Variants in BBS7 observed in about 807,000 individuals in gnomAD.
BBS7 encodes the protein Bardet-Biedl syndrome 7.
BBS7 carries 50 observed loss-of-function variants against 90.3 expected under a neutral mutation model. The ratio of observed to expected loss-of-function variants is 0.55; its 90% CI spans 0.44 to 0.70. BBS7 has a LOEUF of 0.70. Among genes scored for constraint, BBS7 ranks in the 30% least tolerant of loss-of-function variants. BBS7 has a pLI of 0.00. For missense variants in BBS7, 729 were observed against 838.9 expected, an observed-to-expected ratio of 0.87 and a Z score of 1.62; for synonymous variants, 235 against 287.4, an observed-to-expected ratio of 0.82 and a Z score of 1.85.
intron 15 of BBS7, among the ~76,000 whole-genome samples, chr4:121,830,990 G>A (rs370963385): frequency 8.6e-5 from 13 of 151,638 alleles, no homozygotes; most frequent in East Asian, 5.9e-4. Flanking sequence ...GGCAGATCAC[G>A]AGGTCAAGAG....
At chr4:121,834,551 T>TA (rs1725353168) in intron 14 of BBS7, among the ~76,000 whole-genome samples, 1 of 152,236 alleles carries the variant, frequency 6.6e-6, no homozygotes, top group Non-Finnish European at 1.5e-5. Flanking sequence ...TTCTCATTTG[T>TA]AAAATGGAGA....
intron 10 of BBS7, 72 bp downstream of exon 10, chr4:121,847,332 A>C: frequency 1.1e-6 from 1 of 949,574 alleles, no homozygotes; most frequent in South Asian, 1.3e-5. Flanking sequence ...TACTGCATCT[A>C]TAAGTAATAA....
chr4:121,867,704 T>C (rs1407050578), intron 2 of BBS7, among the ~76,000 whole-genome samples: 2 of 152,202 alleles, frequency 1.3e-5, no homozygotes, highest in Admixed American at 1.3e-4. Flanking sequence ...GCTTTATATT[T>C]CTTTTTTCAT....
chr4:121,841,025 A>G (rs1201382409), intron 12 of BBS7, among the ~76,000 whole-genome samples: 1 of 152,054 alleles, frequency 6.6e-6, no homozygotes, highest in Admixed American at 6.5e-5. Context: ...TTTTTAGTAA[A>G]GAGGGTGTTT....
At chr4:121,868,204 T>C (rs534890771) in intron 1 of BBS7, among the ~76,000 whole-genome samples, 158 bp from the exon 2 acceptor site, 6 of 152,290 alleles carry the variant, frequency 3.9e-5, no homozygotes, top group Admixed American at 3.3e-4. Context: ...TTAGTCAGAA[T>C]ACATATAGGA....
chr4:121,837,981 G>A (rs1302267142), intron 13 of BBS7, among the ~76,000 whole-genome samples: 2 of 151,890 alleles, frequency 1.3e-5, no homozygotes, highest in Non-Finnish European at 2.9e-5. Flanking sequence ...GTACATGCCT[G>A]TAATCCCAGC....
chr4:121,839,581 GA>G (rs1467495539), intron 13 of BBS7, 49 bp downstream of exon 13: 3 of 1,440,938 alleles, frequency 2.1e-6, no homozygotes, highest in Non-Finnish European at 2.9e-6. Flanking sequence ...ATACCAGCAG[GA>G]AAAAGGAAAT....
intron 6 of BBS7, 190 bp downstream of exon 6, chr4:121,855,299 C>A: frequency 8.9e-6 from 5 of 561,484 alleles, no homozygotes; most frequent in South Asian, 5.3e-5. Context: ...CAGAGTGAGA[C>A]CCTGCCCCCC....
chr4:121,827,945 A>C, intron 18 of BBS7: 1 of 1,368,506 alleles, frequency 7.3e-7, no homozygotes, highest in Non-Finnish European at 9.4e-7. Flanking sequence ...TATCAAGTAA[A>C]AGAATTAAAT....
intron 8 of BBS7, among the ~76,000 whole-genome samples, chr4:121,849,639 C>T (rs1179666197): frequency 6.6e-6 from 1 of 152,074 alleles, no homozygotes; most frequent in African/African-American, 2.4e-5. Context: ...CCGTCCTGTC[C>T]AACATGGTGA....
intron 8 of BBS7, among the ~76,000 whole-genome samples, chr4:121,850,720 C>T (rs189221286): frequency 6.6e-6 from 1 of 152,218 alleles, no homozygotes; most frequent in Non-Finnish European, 1.5e-5. Flanking sequence ...TAGTTCTTAG[C>T]AGGCAAGGCT....
At position 121,845,472 on chromosome 4, in the gene BBS7, C is replaced by A; in HGVS notation, c.1230+32G>T. 4 of 1,565,668 alleles carry A rather than the reference C, an allele frequency of 2.6e-6. No individual in the cohort carries two copies. In the South Asian group the frequency reaches 4.5e-5, roughly 18 times the overall value. ...GACTGGTTTGCAAAATAGATCCAGT[C>A]ATAAAACTAAGAAATTAGACATTTT... On this transcript the variant is annotated intron_variant, in intron 11 of 18. Transcript: ENST00000264499.
At position 121,839,681 on chromosome 4, in the gene BBS7, G is replaced by A; in HGVS notation, c.1321C>T (p.Leu441Phe). 1 of 1,613,790 alleles carries A rather than the reference G, an allele frequency of 6.2e-7. No homozygotes were observed. Among genetic ancestry groups the A allele is most frequent in the Non-Finnish European group, 8.5e-7 (1 of 1,179,774 alleles). The change falls in exon 13 of 19, where the codon CTT (leucine) becomes TTT (phenylalanine). Residue 441 changes from leucine (L) to phenylalanine (F), a missense_variant. Transcript: ENST00000264499. Reference protein sequence around the residue: ...SCDSESNDNFLLATYRCQADT... With the variant: ...SCDSESNDNFFLATYRCQADT... ...GCCTGGCACCGATAAGTGGCAAGAA[G>A]GAAGTTGTCGTTTGACTGGGAAGAA...
intron 4 of BBS7, 107 bp from the exon 5 acceptor site, chr4:121,859,285 C>T (rs1052041114): frequency 3.4e-5 from 33 of 979,708 alleles, no homozygotes; most frequent in Non-Finnish European, 5.0e-5. Context: ...TTATTATAGA[C>T]TTAGAGAACA....
At chr4:121,843,301 T>C (rs141701462) in intron 12 of BBS7, among the ~76,000 whole-genome samples, 74 of 152,274 alleles carry the variant, frequency 4.9e-4, no homozygotes, top group African/African-American at 1.6e-3. Context: ...AAGACGTCTC[T>C]GGTGGTAGTG....
At chr4:121,857,550 T>C (rs933753141) in intron 5 of BBS7, among the ~76,000 whole-genome samples, 2 of 152,328 alleles carry the variant, frequency 1.3e-5, no homozygotes, top group South Asian at 4.1e-4. Context: ...TTCACAGAGA[T>C]AGACGGGGAG....
At chr4:121,866,506 C>A (rs1727282483) in intron 2 of BBS7, among the ~76,000 whole-genome samples, 1 of 152,072 alleles carries the variant, frequency 6.6e-6, no homozygotes, top group Non-Finnish European at 1.5e-5. Context: ...CTCAAGTGAT[C>A]CACTCGCCTT....
intron 5 of BBS7, among the ~76,000 whole-genome samples, chr4:121,857,808 C>CT (rs5861541): frequency 0.013 from 1,778 of 132,328 alleles, 38 homozygotes; most frequent in African/African-American, 0.022. Flanking sequence ...TTTTTCTTTT[C>CT]TTTTTTTTTT....
chr4:121,849,646 G>A (rs1030854659), intron 8 of BBS7, among the ~76,000 whole-genome samples: 1 of 152,098 alleles, frequency 6.6e-6, no homozygotes, highest in African/African-American at 2.4e-5. Flanking sequence ...GTCCAACATG[G>A]TGAAACCCCA....
Sources: gnomAD v4.1 joint callset for allele counts (sites outside exome capture counted in the v4.1 genomes callset) on GRCh38, gnomAD v4.1.1 for gene constraint, MANE v1.5 for transcripts, NCBI Gene and HGNC (gene_info 2026-07-23, HGNC 2026-07-21) for gene names.